The following CTNNBL1 variants were observed in gnomAD, a reference collection of about 807,000 sequenced individuals.
The protein encoded by CTNNBL1 is beta-catenin-like protein 1.
A neutral mutation model predicts 72.7 loss-of-function variants in CTNNBL1; 31 were observed. The observed-to-expected ratio is 0.43, with a 90% CI of 0.32 to 0.58. The LOEUF is 0.58. Ranked by LOEUF, CTNNBL1 falls within the 20% of genes least tolerant of loss-of-function variation. The pLI, the probability that CTNNBL1 is intolerant of heterozygous loss-of-function variation, is 0.08. For missense variants in CTNNBL1, 534 were observed against 725.1 expected, an observed-to-expected ratio of 0.74 and a Z score of 3.03; for synonymous variants, 240 against 267.3, an observed-to-expected ratio of 0.90 and a Z score of 1.00.
intron 3 of CTNNBL1, among the ~76,000 whole-genome samples, chr20:37,745,773 A>G (rs971296103): frequency 6.6e-6 from 1 of 152,226 alleles, no homozygotes; most frequent in African/African-American, 2.4e-5. Context: ...TCCAAGGCTT[A>G]ATCGGCATTT....
chr20:37,777,461 C>A, intron 8 of CTNNBL1, 44 bp downstream of exon 8: 1 of 1,590,676 alleles, frequency 6.3e-7, no homozygotes, highest in Non-Finnish European at 8.6e-7. Flanking sequence ...GGATAGGAGC[C>A]AGGCTTGTTT....
chr20:37,833,065 T>A (rs1475450664), intron 11 of CTNNBL1, among the ~76,000 whole-genome samples: 2 of 152,170 alleles, frequency 1.3e-5, no homozygotes, highest in African/African-American at 2.4e-5. Context: ...CAAATGTCTG[T>A]CATGATTTGG....
At chr20:37,859,336 G>C (rs2072469402) in intron 13 of CTNNBL1, among the ~76,000 whole-genome samples, 1 of 148,878 alleles carries the variant, frequency 6.7e-6, no homozygotes, top group Non-Finnish European at 1.5e-5. Context: ...CAGCCTGGGG[G>C]ACAAGAGCAA....
chr20:37,698,372 C>T (rs1252580435), intron 1 of CTNNBL1, among the ~76,000 whole-genome samples: 2 of 152,200 alleles, frequency 1.3e-5, no homozygotes, highest in Admixed American at 6.5e-5. Context: ...TAGAACCATT[C>T]GAGAGGTGAG....
intron 1 of CTNNBL1, among the ~76,000 whole-genome samples, chr20:37,706,451 C>T (rs1311385712): frequency 6.6e-6 from 1 of 152,244 alleles, no homozygotes; most frequent in Admixed American, 6.5e-5. Flanking sequence ...ACAGCATCTT[C>T]ACTAGGAGTA....
chr20:37,701,043 GA>G (rs1171145646), intron 1 of CTNNBL1, among the ~76,000 whole-genome samples: 7 of 152,138 alleles, frequency 4.6e-5, no homozygotes, highest in African/African-American at 1.4e-4. Flanking sequence ...TTGAGAAGAG[GA>G]AAACTATTAT....
At chr20:37,795,904 ATTTT>A (rs10602071) in intron 10 of CTNNBL1, among the ~76,000 whole-genome samples, 55 of 138,460 alleles carry the variant, frequency 4.0e-4, no homozygotes, top group Non-Finnish European at 5.2e-4. Context: ...TAGATGTTGA[ATTTT>A]TTTTTTTTTT....
At chr20:37,829,397 C>T (rs934141380) in intron 11 of CTNNBL1, among the ~76,000 whole-genome samples, 7 of 152,174 alleles carry the variant, frequency 4.6e-5, no homozygotes, top group Non-Finnish European at 7.3e-5. Flanking sequence ...ACCATTTGAG[C>T]TGTGGAAGGC....
intron 7 of CTNNBL1, among the ~76,000 whole-genome samples, chr20:37,770,792 G>GT (rs964894685): frequency 4.2e-4 from 64 of 152,152 alleles, no homozygotes; most frequent in African/African-American, 1.4e-3. Flanking sequence ...TGCTATTTGG[G>GT]TTTTTTACTG....
At chr20:37,779,660 TC>T (rs764399544) in intron 10 of CTNNBL1, among the ~76,000 whole-genome samples, 6 of 152,156 alleles carry the variant, frequency 3.9e-5, no homozygotes, top group Non-Finnish European at 7.4e-5. Context: ...AGCCATTACT[TC>T]TAAACTTGGA....
intron 11 of CTNNBL1, among the ~76,000 whole-genome samples, chr20:37,823,752 C>A (rs545530053): frequency 6.6e-6 from 1 of 152,276 alleles, no homozygotes; most frequent in South Asian, 2.1e-4. Flanking sequence ...GGCTCTCCTG[C>A]ACCAGGGTAG....
intron 1 of CTNNBL1, among the ~76,000 whole-genome samples, chr20:37,726,044 G>A (rs1268039636): frequency 1.3e-5 from 2 of 152,304 alleles, no homozygotes; most frequent in African/African-American, 2.4e-5. Flanking sequence ...ATGCATAAAT[G>A]TCTGTGTGAA....
At chr20:37,768,773 G>GT (rs1157069214) in intron 7 of CTNNBL1, among the ~76,000 whole-genome samples, 5 of 151,606 alleles carry the variant, frequency 3.3e-5, no homozygotes, top group African/African-American at 9.7e-5. Flanking sequence ...ACTTTTTTTT[G>GT]TTTTTTTGTT....
intron 3 of CTNNBL1, among the ~76,000 whole-genome samples, chr20:37,743,973 T>A (rs1172498476): frequency 1.3e-5 from 2 of 152,060 alleles, no homozygotes; most frequent in African/African-American, 4.8e-5. Flanking sequence ...AACCTTTATG[T>A]CAAAAGGAAA....
chr20:37,830,167 A>G (rs1485999139), intron 11 of CTNNBL1, among the ~76,000 whole-genome samples: 1 of 151,920 alleles, frequency 6.6e-6, no homozygotes. Flanking sequence ...TGAGACTGAC[A>G]TGTGAAAAAT....
chr20:37,756,483 TGA>T (rs148004548), intron 4 of CTNNBL1: 25 of 149,692 alleles, frequency 1.7e-4, no homozygotes, highest in Non-Finnish European at 2.4e-4. Context: ...TGTGTGTGTG[TGA>T]GAGAGAGAGA....
intron 1 of CTNNBL1, among the ~76,000 whole-genome samples, chr20:37,696,794 T>C (rs970735918): frequency 6.6e-6 from 1 of 152,168 alleles, no homozygotes; most frequent in South Asian, 2.1e-4. Flanking sequence ...ACATGTTGAA[T>C]AAATGATAAC....
intron 1 of CTNNBL1, among the ~76,000 whole-genome samples, chr20:37,721,194 A>G (rs187231135): frequency 6.6e-6 from 1 of 152,342 alleles, no homozygotes; most frequent in East Asian, 1.9e-4. Flanking sequence ...CAAGGCTTCC[A>G]GACCCTCTGC....
At chr20:37,846,033 G>A (rs1040216300) in intron 13 of CTNNBL1, among the ~76,000 whole-genome samples, 1 of 152,182 alleles carries the variant, frequency 6.6e-6, no homozygotes, top group Non-Finnish European at 1.5e-5. Flanking sequence ...TGTTGATGAG[G>A]TGCCCGCTCT....
Sources: allele counts gnomAD v4.1 joint callset (sites outside exome capture counted in the v4.1 genomes callset), GRCh38; gene constraint gnomAD v4.1.1; transcripts MANE v1.5; gene names NCBI Gene and HGNC (gene_info 2026-07-23, HGNC 2026-07-21).